KCNN2: variants seen among roughly 807,000 people sequenced by gnomAD.
KCNN2 encodes potassium calcium-activated channel subfamily N member 2, also known as small conductance calcium-activated potassium channel protein 2.
Under a neutral mutation model 55.5 loss-of-function variants are expected in KCNN2, and 24 were observed. The observed-to-expected ratio is 0.43, with a 90% CI of 0.31 to 0.61. The LOEUF is 0.61. Among genes scored for constraint, KCNN2 ranks in the 20% least tolerant of loss-of-function variants. The pLI is 0.08. For synonymous variants in KCNN2, 431 were observed against 336.1 expected, an observed-to-expected ratio of 1.28 and a Z score of -3.09; for missense variants, 754 against 853.6, an observed-to-expected ratio of 0.88 and a Z score of 1.45.
intron 2 of KCNN2, among the ~76,000 whole-genome samples, chr5:114,242,259 G>T (rs186946984): frequency 2.0e-5 from 3 of 151,940 alleles, no homozygotes; most frequent in East Asian, 1.9e-4. Context: ...CAGTGCCTCT[G>T]CTCAGTAGAC....
At chr5:114,426,153 C>T (rs2150084071) in intron 3 of KCNN2, among the ~76,000 whole-genome samples, 1 of 151,748 alleles carries the variant, frequency 6.6e-6, no homozygotes, top group Non-Finnish European at 1.5e-5. Flanking sequence ...TGCCCTCCAC[C>T]CTGTCTCAAA....
intron 2 of KCNN2, among the ~76,000 whole-genome samples, chr5:114,364,863 G>C (rs28693761): frequency 0.053 from 8,092 of 151,264 alleles, 313 homozygotes; most frequent in Non-Finnish European, 0.068. Context: ...CTGTGGTCCT[G>C]GTGCATGAGA....
At chr5:114,437,708 C>T (rs1036722858) in intron 3 of KCNN2, among the ~76,000 whole-genome samples, 1 of 152,044 alleles carries the variant, frequency 6.6e-6, no homozygotes, top group African/African-American at 2.4e-5. Context: ...AATTAAAGAA[C>T]CAACATTTTT....
At chr5:114,384,633 G>T (rs970968521) in intron 2 of KCNN2, among the ~76,000 whole-genome samples, 4 of 152,202 alleles carry the variant, frequency 2.6e-5, no homozygotes, top group African/African-American at 9.6e-5. Context: ...TCCAGGGAAA[G>T]ATCTCTGGTA....
chr5:114,199,579 G>A (rs1439830068), intron 1 of KCNN2, among the ~76,000 whole-genome samples: 2 of 150,156 alleles, frequency 1.3e-5, no homozygotes, highest in Non-Finnish European at 3.0e-5. Context: ...CATCCTCGTT[G>A]TGTGATTGTT....
chr5:114,422,969 G>A (rs1315966035), intron 3 of KCNN2, among the ~76,000 whole-genome samples: 1 of 152,220 alleles, frequency 6.6e-6, no homozygotes, highest in Admixed American at 6.5e-5. Flanking sequence ...TTCATGTTAT[G>A]TGGCAAATAA....
intron 1 of KCNN2, among the ~76,000 whole-genome samples, chr5:114,185,943 T>C (rs1428788922): frequency 6.6e-6 from 1 of 152,182 alleles, no homozygotes; most frequent in African/African-American, 2.4e-5. Flanking sequence ...GTGGGAATTT[T>C]GGTTTGTGTG....
intron 2 of KCNN2, among the ~76,000 whole-genome samples, chr5:114,403,492 A>C (rs1398049785): frequency 6.6e-6 from 1 of 152,200 alleles, no homozygotes; most frequent in Non-Finnish European, 1.5e-5. Context: ...TCAGCATTGA[A>C]GCATGGCTGG....
chr5:114,360,039 A>G (rs1230891544), upstream of KCNN2, among the ~76,000 whole-genome samples: 7 of 152,208 alleles, frequency 4.6e-5, no homozygotes, highest in Non-Finnish European at 8.8e-5. Context: ...CAGAACAAAA[A>G]TAGTAATAGA....
At chr5:114,164,216 C>T (rs1179314433) in intron 1 of KCNN2, among the ~76,000 whole-genome samples, 1 of 152,122 alleles carries the variant, frequency 6.6e-6, no homozygotes, top group African/African-American at 2.4e-5. Flanking sequence ...ACAAGAATTA[C>T]CATTAGTCAG....
At chr5:114,136,333 CCTGT>C (rs1752173407) in intron 1 of KCNN2, among the ~76,000 whole-genome samples, 2 of 152,136 alleles carry the variant, frequency 1.3e-5, no homozygotes, top group African/African-American at 4.8e-5. Context: ...TCCTCTTTTG[CCTGT>C]CTGCCTTCTG....
chr5:114,235,635 G>A (rs1006322711), intron 2 of KCNN2, among the ~76,000 whole-genome samples: 5 of 152,150 alleles, frequency 3.3e-5, no homozygotes, highest in African/African-American at 1.2e-4. Flanking sequence ...GGGTGAACAG[G>A]TTTAAGAAAG....
chr5:114,302,005 A>G (rs919073312), intron 2 of KCNN2, among the ~76,000 whole-genome samples: 4 of 152,220 alleles, frequency 2.6e-5, no homozygotes, highest in Non-Finnish European at 5.9e-5. Flanking sequence ...GGCACCAAAC[A>G]AAACTACTGT....
chr5:114,240,605 T>C (rs1474758662), intron 2 of KCNN2, among the ~76,000 whole-genome samples: 6 of 152,112 alleles, frequency 3.9e-5, no homozygotes, highest in African/African-American at 1.4e-4. Context: ...CTAATTTTTG[T>C]ATTTTTAGTA....
At chr5:114,120,112 A>G (rs1159377926) in intron 1 of KCNN2, among the ~76,000 whole-genome samples, 1 of 152,208 alleles carries the variant, frequency 6.6e-6, no homozygotes, top group Non-Finnish European at 1.5e-5. Flanking sequence ...TGATTTTTTT[A>G]AAAGAATAAA....
chr5:114,109,196 C>T (rs1216792464), intron 1 of KCNN2, among the ~76,000 whole-genome samples: 6 of 152,018 alleles, frequency 3.9e-5, no homozygotes, highest in Non-Finnish European at 8.8e-5. Context: ...GACAGAGGGC[C>T]TCAGCTACTT....
rs143975054 is a variant in KCNN2 at position 114,231,613 on chromosome 5, C to T, written c.-185+10048C>T. Among the ~76,000 whole-genome samples, 545 of 151,206 alleles carry T rather than the reference C, an allele frequency of 3.6e-3. 6 individuals carry two copies. Among genetic ancestry groups the T allele is most frequent in the Non-Finnish European group, 6.2e-3 (423 of 68,016 alleles). On this transcript the variant is annotated intron_variant, in intron 2 of 10. Coordinates refer to the KCNN2 transcript ENST00000512097. The stretch of plus-strand genomic sequence containing the variant: ...TGTGATCATTTATGCTGATAGTGAT[C>T]ACCATGGCCACATTTACTTATCTTT...
In KCNN2 at chr5:114,181,846, T is replaced by A. The variant is rs563421140; in HGVS notation, c.-270-39634T>A. On this transcript the variant is annotated intron_variant, in intron 1 of 10. Coordinates refer to the KCNN2 transcript ENST00000512097. ...AGCCTGGCCATGGTGAAACCCCGTC[T>A]CTACTAAAAATACAAAAATTAGCCC... 2.0e-5 allele frequency among the ~76,000 whole-genome samples: 3 copies of A among 152,176 alleles called. No individual in the cohort carries two copies. In the South Asian group the frequency reaches 6.2e-4, roughly 32 times the overall value.
chr5:114,075,975 G>T (rs1750678172), intron 1 of KCNN2, among the ~76,000 whole-genome samples: 1 of 152,194 alleles, frequency 6.6e-6, no homozygotes, highest in Non-Finnish European at 1.5e-5. Flanking sequence ...AGGCTAAATT[G>T]TGAGCCAAAT....
Sources: allele counts gnomAD v4.1 joint callset (sites outside exome capture counted in the v4.1 genomes callset), GRCh38; gene constraint gnomAD v4.1.1; transcripts MANE v1.5; gene names NCBI Gene and HGNC (gene_info 2026-07-23, HGNC 2026-07-21).